DPY19L4: variants seen among roughly 807,000 people sequenced by gnomAD.
DPY19L4 encodes the protein probable C-mannosyltransferase DPY19L4.
A neutral mutation model predicts 102.8 loss-of-function variants in DPY19L4; 97 were observed. The observed-to-expected ratio is 0.94, with a 90% confidence interval of 0.80 to 1.12. DPY19L4 has a LOEUF of 1.12. Ranked by LOEUF, DPY19L4 falls within the 50% of genes most tolerant of loss-of-function variation. The probability of loss-of-function intolerance (pLI) is 0.00; values close to 1 mark genes in which losing one functional copy is unlikely to be tolerated. For missense variants in DPY19L4, 815 were observed against 850.4 expected, an observed-to-expected ratio of 0.96 and a Z score of 0.52; for synonymous variants, 252 against 283.1, an observed-to-expected ratio of 0.89 and a Z score of 1.10.
intron 3 of DPY19L4, among the ~76,000 whole-genome samples, chr8:94,735,990 A>G (rs940550064): frequency 6.6e-6 from 1 of 152,198 alleles, no homozygotes; most frequent in Admixed American, 6.6e-5. Flanking sequence ...CTTATAAACA[A>G]CAGAATGGCT....
chr8:94,724,087 A>AT (rs1374985602), intron 1 of DPY19L4, among the ~76,000 whole-genome samples: 2 of 152,210 alleles, frequency 1.3e-5, no homozygotes, highest in African/African-American at 2.4e-5. Flanking sequence ...GAAAATGATA[A>AT]TTTTTTGTAA....
intron 17 of DPY19L4, among the ~76,000 whole-genome samples, 194 bp downstream of exon 17, chr8:94,783,996 T>C (rs1421844444): frequency 6.6e-6 from 1 of 152,238 alleles, no homozygotes; most frequent in Non-Finnish European, 1.5e-5. Context: ...ATTAAAATAC[T>C]AAGTTCTTTG....
Position 94,765,166 on chromosome 8 carries a change from T to A in DPY19L4, c.871-17T>A. The stretch of plus-strand genomic sequence containing the variant: ...AAATATAACTTATTCTCACTTATTT[T>A]ATTTTTGTCACAACAGGTTTATGAA... On this transcript the variant is annotated splice_polypyrimidine_tract_variant and intron_variant, in intron 8 of 18. Coordinates refer to ENST00000414645, the MANE Select transcript of DPY19L4 (RefSeq NM_181787.3). 1 of 1,408,154 alleles carries A rather than the reference T, an allele frequency of 7.1e-7. No individual in the cohort carries two copies. Among genetic ancestry groups the A allele is most frequent in the South Asian group, 1.3e-5 (1 of 79,108 alleles). 87.2% of individuals were successfully genotyped at this position (1,408,154 alleles called of 1,614,324 possible).
At chr8:94,775,899 G>A (rs951264007) in intron 13 of DPY19L4, among the ~76,000 whole-genome samples, 32 of 151,712 alleles carry the variant, frequency 2.1e-4, no homozygotes, top group Admixed American at 3.3e-4. Context: ...CATCTCCTAC[G>A]GAGATGGGCT....
At chr8:94,765,350 AT>A (rs753127840) in intron 9 of DPY19L4, 36 bp downstream of exon 9, 68,457 of 1,035,696 alleles carry the variant, frequency 0.066, no homozygotes, top group South Asian at 0.094. Context: ...TCTTATTTTG[AT>A]TTTTTTTTTT....
chr8:94,748,035 TG>T (rs1586350187), intron 6 of DPY19L4, among the ~76,000 whole-genome samples: 2 of 152,098 alleles, frequency 1.3e-5, no homozygotes, highest in African/African-American at 4.8e-5. Flanking sequence ...AGGAAAAAAG[TG>T]GGTCTCATTT....
At chr8:94,725,933 G>A (rs1215214580) in intron 1 of DPY19L4, among the ~76,000 whole-genome samples, 2 of 152,052 alleles carry the variant, frequency 1.3e-5, no homozygotes, top group African/African-American at 2.4e-5. Flanking sequence ...CACAGCGCCC[G>A]GCTATGTTTT....
At chr8:94,776,579 TAATC>T (rs1813191797) in intron 13 of DPY19L4, among the ~76,000 whole-genome samples, 1 of 152,154 alleles carries the variant, frequency 6.6e-6, no homozygotes, top group South Asian at 2.1e-4. Context: ...ATAATTTATT[TAATC>T]AATACCTATT....
chr8:94,765,305 G>A lies in DPY19L4; in HGVS notation c.993G>A (p.Lys331=). 6.3e-7 allele frequency: 1 copy of A among 1,591,038 alleles called. No individual in the cohort carries two copies. The highest frequency in any genetic ancestry group is 8.5e-7 in the Non-Finnish European group (1 of 1,174,358). Residue 331 remains lysine, a synonymous_variant, in exon 9 of 19, where the codon AAG becomes AAA. Transcript: ENST00000414645. Reference sequence around the variant, plus strand: ...TAGTAGCAGCCTTAATGCTTGCTAAGTGCCTTCAGGTAACTAGAATTATCT... The same window carrying A: ...TAGTAGCAGCCTTAATGCTTGCTAAATGCCTTCAGGTAACTAGAATTATCT... ...LSLVAALMLA[K]CLQLNVKKGS...
At chr8:94,729,786 A>G (rs7843763) in intron 2 of DPY19L4, among the ~76,000 whole-genome samples, 150,622 of 151,462 alleles carry the variant, frequency 0.99, 74,891 homozygotes, top group Middle Eastern at 1. Flanking sequence ...AGCCAGGATC[A>G]CGCCACTGCA....
At chr8:94,767,701 A>G (rs755571689) in intron 11 of DPY19L4, among the ~76,000 whole-genome samples, 6 of 152,188 alleles carry the variant, frequency 3.9e-5, no homozygotes, top group Non-Finnish European at 8.8e-5. Context: ...ATAAGTAGGT[A>G]TCTCTTTTTA....
chr8:94,769,888 CTTTT>C (rs368515503), intron 12 of DPY19L4, among the ~76,000 whole-genome samples: 1 of 131,214 alleles, frequency 7.6e-6, no homozygotes, highest in Non-Finnish European at 1.6e-5. Flanking sequence ...TTATTCTTTT[CTTTT>C]TTTTTTTTTT....
In DPY19L4 at chr8:94,732,312, A is replaced by T. The variant is rs1055874942; in HGVS notation, c.128-2318A>T. 1.1e-4 allele frequency among the ~76,000 whole-genome samples: 16 copies of T among 152,018 alleles called. No individual in the cohort carries two copies. In the East Asian group the frequency reaches 3.1e-3, roughly 29 times the overall value. On this transcript the variant is annotated intron_variant, in intron 2 of 18. Coordinates refer to ENST00000414645, the MANE Select transcript of DPY19L4 (RefSeq NM_181787.3). ...AGGCCTTTAGTCCCTTATTTTTTTT[A>T]TTATGCTTATTATACTCAATGGCTG...
chr8:94,733,615 C>G (rs2130803830), intron 2 of DPY19L4, among the ~76,000 whole-genome samples: 1 of 151,272 alleles, frequency 6.6e-6, no homozygotes, highest in East Asian at 2.0e-4. Flanking sequence ...GCTCTCTGCT[C>G]ACTGCAACCT....
At chr8:94,770,378 A>T in intron 12 of DPY19L4, 74 bp from the exon 13 acceptor site, 10 of 1,445,108 alleles carry the variant, frequency 6.9e-6, no homozygotes, top group Non-Finnish European at 9.2e-6. Context: ...TCCTTCAAAG[A>T]TGATAAACAA....
chr8:94,789,631 A>G (rs1813807622), intron 18 of DPY19L4, 115 bp from the exon 19 acceptor site: 1 of 940,732 alleles, frequency 1.1e-6, no homozygotes, highest in Non-Finnish European at 1.5e-6. Context: ...TGTTTTATAG[A>G]CAATGTTTAG....
chr8:94,761,668 G>A (rs529179350), intron 7 of DPY19L4, 32 bp from the exon 8 acceptor site: 7 of 1,549,582 alleles, frequency 4.5e-6, no homozygotes, highest in Non-Finnish European at 6.1e-6. Context: ...TAAAGTTATT[G>A]ATATTTAGTT....
At chr8:94,777,973 G>A (rs1813262661) in intron 14 of DPY19L4, among the ~76,000 whole-genome samples, 187 bp downstream of exon 14, 1 of 152,180 alleles carries the variant, frequency 6.6e-6, no homozygotes, top group Admixed American at 6.5e-5. Context: ...GCTCACGCTT[G>A]TAATCCAAGC....
intron 8 of DPY19L4, 73 bp downstream of exon 8, chr8:94,761,907 C>G: frequency 6.8e-7 from 1 of 1,464,040 alleles, no homozygotes; most frequent in Non-Finnish European, 9.1e-7. Flanking sequence ...TAAAACCTCT[C>G]TTTTCTTCAT....
Sources: gnomAD v4.1 joint callset for allele counts (sites outside exome capture counted in the v4.1 genomes callset) on GRCh38, gnomAD v4.1.1 for gene constraint, MANE v1.5 for transcripts, NCBI Gene and HGNC (gene_info 2026-07-23, HGNC 2026-07-21) for gene names.